HUNK: variants seen among roughly 807,000 people sequenced by gnomAD.
HUNK encodes hormonally up-regulated neu tumor-associated kinase.
A neutral mutation model predicts 61.0 loss-of-function variants in HUNK; 21 were observed. The ratio of observed to expected loss-of-function variants is 0.34; its 90% CI spans 0.24 to 0.50. The LOEUF (loss-of-function observed/expected upper bound fraction) is 0.50. HUNK is among the 20% of genes least tolerant of loss of function. The pLI is 0.98. For synonymous variants in HUNK, 371 were observed against 386.1 expected (o/e 0.96, Z 0.46); for missense variants, 772 against 945.7 (o/e 0.82, Z 2.41).
intron 5 of HUNK, among the ~76,000 whole-genome samples, chr21:31,963,231 C>T (rs1440868453): frequency 6.6e-6 from 1 of 152,086 alleles, no homozygotes; most frequent in Non-Finnish European, 1.5e-5. Flanking sequence ...AAGGTAAGTC[C>T]CTGTTTACCA....
chr21:31,974,396 A>G (rs565697336), intron 6 of HUNK, 159 bp from the exon 7 acceptor site: 1 of 647,466 alleles, frequency 1.5e-6, no homozygotes, highest in African/African-American at 1.8e-5. Context: ...TGATTGTACT[A>G]TTCCCTCCGC....
chr21:31,927,978 A>G (rs921032926), intron 2 of HUNK, among the ~76,000 whole-genome samples: 1 of 152,252 alleles, frequency 6.6e-6, no homozygotes, highest in Non-Finnish European at 1.5e-5. Context: ...GGAAGAGAAC[A>G]TTCAGAAATG....
At chr21:31,991,682 C>T (rs2053172967) in intron 9 of HUNK, among the ~76,000 whole-genome samples, 1 of 152,224 alleles carries the variant, frequency 6.6e-6, no homozygotes, top group African/African-American at 2.4e-5. Flanking sequence ...ACAGACCAAA[C>T]AGCCTGGTGA....
At chr21:31,977,726 C>G (rs2053060260) in intron 7 of HUNK, among the ~76,000 whole-genome samples, 1 of 152,202 alleles carries the variant, frequency 6.6e-6, no homozygotes, top group Admixed American at 6.5e-5. Context: ...GAGTCTCACT[C>G]TGTCGCCCAG....
intron 7 of HUNK, among the ~76,000 whole-genome samples, chr21:31,976,529 C>T (rs146840965): frequency 0.02 from 2,557 of 126,292 alleles, 77 homozygotes; most frequent in African/African-American, 0.072. Context: ...TGCAGTGGGA[C>T]GATCTCGGCT....
At chr21:31,908,665 G>A (rs1472451706) in intron 1 of HUNK, among the ~76,000 whole-genome samples, 1 of 152,170 alleles carries the variant, frequency 6.6e-6, no homozygotes. Context: ...CATGGCTGGC[G>A]AGGGGTGGTT....
At chr21:31,971,165 G>C (rs1381833999) in intron 6 of HUNK, among the ~76,000 whole-genome samples, 2 of 152,084 alleles carry the variant, frequency 1.3e-5, no homozygotes, top group East Asian at 3.9e-4. Flanking sequence ...TGCAACCTCC[G>C]CCTCCTGGGA....
chr21:31,983,875 T>C (rs926636544), intron 8 of HUNK, among the ~76,000 whole-genome samples: 7 of 152,162 alleles, frequency 4.6e-5, no homozygotes, highest in African/African-American at 1.4e-4. Context: ...ACCCATTCCA[T>C]TGAATCTTGG....
chr21:31,983,592 C>A lies in HUNK; in HGVS notation c.1240C>A (p.Pro414Thr). ...RLYQIEKYRA[P>T]KESYEASLDT... ...CTACCAGATAGAAAAGTACAGGGCCCCCAAGGAGTCCTATGAGGTGAGTGA... is the reference window on the plus strand; with the variant it reads ...CTACCAGATAGAAAAGTACAGGGCCACCAAGGAGTCCTATGAGGTGAGTGA... The change falls in exon 8 of 11, where the codon CCC becomes ACC. Residue 414 changes from proline to threonine, a missense_variant. Physicochemically the swap from Pro to Thr is conservative, Grantham distance 38. Around this residue, in one of 2 missense-constraint regions of HUNK, gnomAD observed 413 missense variants for 444.4 expected, o/e 0.93. Coordinates refer to ENST00000270112, the MANE Select transcript of HUNK (RefSeq NM_014586.2). 6.2e-7 allele frequency: 1 copy of A among 1,613,256 alleles called. No individual in the cohort carries two copies. The highest frequency in any genetic ancestry group is 8.5e-7 in the Non-Finnish European group (1 of 1,179,570).
At position 31,934,975 on chromosome 21, in the gene HUNK, A is replaced by G. The variant is rs79698683; in HGVS notation, c.555-5190A>G. 1.3e-3 allele frequency among the ~76,000 whole-genome samples: 199 copies of G among 152,292 alleles called. 1 individual carries two copies. The highest frequency in any genetic ancestry group is 4.6e-3 in the African/African-American group (190 of 41,568). ...AATAGCGCTGTAGTGTCTTTTGGGT[A>G]GAATGATTGATTTTCACCCTTTTTT... On this transcript the variant is annotated intron_variant, in intron 2 of 10. Coordinates refer to ENST00000270112, the MANE Select transcript of HUNK (RefSeq NM_014586.2).
chr21:31,974,822 T>A, intron 7 of HUNK, 105 bp downstream of exon 7: 2 of 1,118,732 alleles, frequency 1.8e-6, no homozygotes, highest in Non-Finnish European at 2.5e-6. Context: ...GCTGCTAATT[T>A]AATCTAATGT....
chr21:31,912,442 G>A (rs2052553027), intron 1 of HUNK, among the ~76,000 whole-genome samples: 1 of 152,190 alleles, frequency 6.6e-6, no homozygotes, highest in African/African-American at 2.4e-5. Context: ...GTGAGTTACA[G>A]GGGAAAATAG....
chr21:31,969,051 T>C lies in HUNK; in HGVS notation c.1010+666T>C, dbSNP rs1274978725. Among the ~76,000 whole-genome samples, 3 of 152,192 alleles carry C rather than the reference T, an allele frequency of 2.0e-5. No individual in the cohort carries two copies. The East Asian group carries it at 5.8e-4, about 30-fold the overall frequency. On this transcript the variant is annotated intron_variant, in intron 6 of 10. Transcript: ENST00000270112. Reference sequence around the variant, plus strand: ...GTGCCACCACACCAGGCTAATTTTGTATTTTTAGTAGAGACGGGGTTTCAC... The same window carrying C: ...GTGCCACCACACCAGGCTAATTTTGCATTTTTAGTAGAGACGGGGTTTCAC...
intron 2 of HUNK, among the ~76,000 whole-genome samples, chr21:31,928,395 C>A (rs939473176): frequency 6.6e-6 from 1 of 152,148 alleles, no homozygotes; most frequent in African/African-American, 2.4e-5. Context: ...AAAATCCAAT[C>A]CCTCTCAGCG....
intron 5 of HUNK, among the ~76,000 whole-genome samples, chr21:31,966,778 A>G (rs773635258): frequency 2.0e-5 from 3 of 152,234 alleles, no homozygotes; most frequent in South Asian, 2.1e-4. Context: ...TTTGAAGAGA[A>G]GGATAGAAAA....
At position 32,000,479 on chromosome 21, in the gene HUNK, C is replaced by A; in HGVS notation, c.*1295C>A. On this transcript the variant is annotated 3_prime_UTR_variant, in exon 11 of 11. Transcript: ENST00000270112. ...AGCCGTGTTGTCTGACTGTATCCAGCTGGCACTTGACAGGGTGCAGTCATT... is the reference window on the plus strand; with the variant it reads ...AGCCGTGTTGTCTGACTGTATCCAGATGGCACTTGACAGGGTGCAGTCATT... 2.5e-6 allele frequency: 1 copy of A among 399,192 alleles called. No homozygotes were observed. Among genetic ancestry groups the A allele is most frequent in the Non-Finnish European group, 4.4e-6 (1 of 226,168 alleles). The allele number at this position is 399,192 out of a possible 1,614,324, so 24.7% of individuals were successfully genotyped here. A position where few individuals can be genotyped will look rare whatever the true frequency, so the allele number is the denominator to read the frequency against.
intron 1 of HUNK, among the ~76,000 whole-genome samples, chr21:31,893,271 C>T (rs1307825075): frequency 3.3e-5 from 5 of 151,980 alleles, no homozygotes; most frequent in East Asian, 1.9e-4. Context: ...AAGGAATGTA[C>T]GGTGGTGAAT....
At position 31,974,601 on chromosome 21, in the gene HUNK, G is replaced by A. The variant is rs1419673405; in HGVS notation, c.1057G>A (p.Glu353Lys). 5.6e-6 allele frequency: 9 copies of A among 1,613,878 alleles called. No individual in the cohort carries two copies. The highest frequency in any genetic ancestry group is 6.8e-6 in the Non-Finnish European group (8 of 1,179,998). ...LSPSVVLHMT[E>K]KLGYKNSDVI... ...CCCGAGCGTCGTGCTGCACATGACC[G>A]AGAAGCTGGGTTACAAGAACAGCGA... The change falls in exon 7 of 11, where the codon GAG becomes AAG. Residue 353 changes from glutamate to lysine, a missense_variant. This residue lies in a region of HUNK where 359 missense variants were observed against 501.3 expected (regional missense o/e 0.72). Coordinates refer to ENST00000270112, the MANE Select transcript of HUNK (RefSeq NM_014586.2).
Position 31,927,899 on chromosome 21 carries a change from C to T in HUNK, c.554+3139C>T, listed in dbSNP as rs372268281. Among the ~76,000 whole-genome samples the T allele has an allele frequency of 9.8e-5, 15 of 152,314 alleles. No homozygotes were observed. In the East Asian group the frequency reaches 1.4e-3, roughly 14 times the overall value. On this transcript the variant is annotated intron_variant, in intron 2 of 10. Coordinates refer to ENST00000270112, the MANE Select transcript of HUNK (RefSeq NM_014586.2). ...CAAGGTGAGAGCACCTCTTCACATA[C>T]GTATTCTTAGTCATGCATGTTGTCA...
Sources: gnomAD v4.1 joint callset for allele counts (sites outside exome capture counted in the v4.1 genomes callset) on GRCh38, gnomAD v4.1.1 for gene constraint, gnomAD v4.1.1 regional missense constraint, MANE v1.5 for transcripts, NCBI Gene and HGNC (gene_info 2026-07-23, HGNC 2026-07-21) for gene names.